Variants in THSD7B observed in about 807,000 individuals in gnomAD.
The protein encoded by THSD7B is thrombospondin type 1 domain containing 7B, also known as thrombospondin type-1 domain-containing protein 7B.
A neutral mutation model predicts 213.6 loss-of-function variants in THSD7B; 138 were observed. The ratio of observed to expected loss-of-function variants is 0.65; its 90% CI spans 0.56 to 0.74. THSD7B has a LOEUF of 0.74. Ranked by LOEUF, THSD7B falls within the 30% of genes least tolerant of loss-of-function variation. The pLI, the probability that THSD7B is intolerant of heterozygous loss-of-function variation, is 0.00. For missense variants in THSD7B, 1,931 were observed against 1,991.5 expected (o/e 0.97, Z 0.58); for synonymous variants, 742 against 687.0 (o/e 1.08, Z -1.25).
At position 136,935,867 on chromosome 2, in the gene THSD7B, A is replaced by C. The variant is rs148433477; in HGVS notation, c.139+53550A>C. Reference sequence around the variant, plus strand: ...CTATTTATTACATTCTATAATAATTATATATTCTATTATATAATTACATAT... The same window carrying C: ...CTATTTATTACATTCTATAATAATTCTATATTCTATTATATAATTACATAT... On this transcript the variant is annotated intron_variant, in intron 2 of 27. Transcript: ENST00000409968. 7.5e-3 allele frequency among the ~76,000 whole-genome samples: 1,107 copies of C among 148,488 alleles called. 7 individuals are homozygous for C. Among genetic ancestry groups the C allele is most frequent in the Non-Finnish European group, 0.011 (750 of 67,298 alleles).
chr2:137,389,193 CATAT>C lies in THSD7B; in HGVS notation c.2501-16399_2501-16396del, dbSNP rs59969102. ...ATCACCAGTCTCACCATATATCTGT[CATAT>C]ATATATATATATATATATATGACAA... On this transcript the variant is annotated intron_variant, in intron 12 of 27. Coordinates refer to ENST00000409968, the MANE Select transcript of THSD7B (RefSeq NM_001316349.2). 4.1e-4 allele frequency among the ~76,000 whole-genome samples: 52 copies of C among 127,290 alleles called. 2 individuals carry two copies. Among genetic ancestry groups the C allele is most frequent in the South Asian group, 2.2e-3 (8 of 3,654 alleles). The allele number at this position is 127,290 out of a possible 152,430, so 83.5% of individuals were successfully genotyped here.
At chr2:136,879,575 T>C (rs1683584169) in intron 1 of THSD7B, among the ~76,000 whole-genome samples, 1 of 152,186 alleles carries the variant, frequency 6.6e-6, no homozygotes, top group African/African-American at 2.4e-5. Flanking sequence ...CATTTGTTTG[T>C]ATCCTCTTTT....
intron 2 of THSD7B, among the ~76,000 whole-genome samples, chr2:136,980,062 C>G (rs1380054251): frequency 1.3e-5 from 2 of 152,078 alleles, no homozygotes; most frequent in Non-Finnish European, 1.5e-5. Context: ...ACTCCATACC[C>G]TATTCACCTG....
intron 2 of THSD7B, among the ~76,000 whole-genome samples, chr2:136,945,938 C>A (rs1055391183): frequency 3.9e-5 from 6 of 152,082 alleles, no homozygotes; most frequent in Non-Finnish European, 5.9e-5. Context: ...TTGTTATTAC[C>A]GACCTTCTAA....
chr2:137,593,185 G>A (rs1224155202), intron 17 of THSD7B, among the ~76,000 whole-genome samples: 2 of 151,802 alleles, frequency 1.3e-5, no homozygotes, highest in Admixed American at 6.6e-5. Flanking sequence ...CAGACATTTG[G>A]TTCATTTCTA....
At chr2:137,240,127 A>C (rs1334737213) in intron 9 of THSD7B, among the ~76,000 whole-genome samples, 1 of 152,142 alleles carries the variant, frequency 6.6e-6, no homozygotes, top group Non-Finnish European at 1.5e-5. Flanking sequence ...GTTCATAATG[A>C]CTTTGTCTCT....
chr2:137,270,721 G>A (rs976311363), intron 10 of THSD7B, among the ~76,000 whole-genome samples: 2 of 152,110 alleles, frequency 1.3e-5, no homozygotes, highest in African/African-American at 4.8e-5. Flanking sequence ...GTCTGATGGA[G>A]GACAGGAGTG....
chr2:137,344,377 ACC>A (rs1423426835), intron 12 of THSD7B, among the ~76,000 whole-genome samples: 1 of 151,678 alleles, frequency 6.6e-6, no homozygotes, highest in Non-Finnish European at 1.5e-5. Context: ...CAAACTTACC[ACC>A]CAATCATGGA....
At chr2:137,627,242 G>A (rs1476414432) in intron 20 of THSD7B, among the ~76,000 whole-genome samples, 2 of 152,176 alleles carry the variant, frequency 1.3e-5, no homozygotes, top group Admixed American at 1.3e-4. Context: ...ATTTATTAAC[G>A]AGGAATCCTC....
At chr2:137,090,493 C>T (rs1687930761) in intron 3 of THSD7B, among the ~76,000 whole-genome samples, 1 of 151,936 alleles carries the variant, frequency 6.6e-6, no homozygotes, top group South Asian at 2.1e-4. Flanking sequence ...GAGCTTCTGC[C>T]CATATTTGTA....
chr2:137,022,691 C>T (rs540825836), intron 2 of THSD7B, among the ~76,000 whole-genome samples: 28 of 151,986 alleles, frequency 1.8e-4, no homozygotes, highest in Middle Eastern at 6.8e-3. Flanking sequence ...GTAGATCACA[C>T]TTTCTGTTGG....
chr2:137,653,617 T>G (rs1330162068), intron 21 of THSD7B, among the ~76,000 whole-genome samples: 1 of 149,954 alleles, frequency 6.7e-6, no homozygotes, highest in Admixed American at 6.7e-5. Flanking sequence ...TTCATTCCCT[T>G]TCATTCTTTT....
chr2:136,965,975 T>C (rs549142205), intron 2 of THSD7B, among the ~76,000 whole-genome samples: 4 of 152,296 alleles, frequency 2.6e-5, no homozygotes, highest in Non-Finnish European at 5.9e-5. Flanking sequence ...TGACCTAATA[T>C]TTTTCCTGAG....
intron 2 of THSD7B, among the ~76,000 whole-genome samples, chr2:136,952,309 T>A (rs1157509803): frequency 6.6e-6 from 1 of 152,234 alleles, no homozygotes; most frequent in African/African-American, 2.4e-5. Flanking sequence ...AAATTGTTAT[T>A]TGTCAATGTA....
intron 17 of THSD7B, among the ~76,000 whole-genome samples, chr2:137,600,900 C>T (rs1354782994): frequency 6.6e-6 from 1 of 152,016 alleles, no homozygotes; most frequent in Non-Finnish European, 1.5e-5. Flanking sequence ...AGGTGGAAGA[C>T]AGCAAAATTG....
chr2:136,908,406 G>A (rs145138601), intron 2 of THSD7B, among the ~76,000 whole-genome samples: 77 of 152,300 alleles, frequency 5.1e-4, no homozygotes, highest in Admixed American at 1.1e-3. Flanking sequence ...ACTAAGTCAC[G>A]TAGTGAAATG....
intron 15 of THSD7B, among the ~76,000 whole-genome samples, chr2:137,560,119 T>G (rs938461146): frequency 1.4e-5 from 2 of 147,366 alleles, no homozygotes; most frequent in African/African-American, 5.3e-5. Context: ...GGTGGGACTG[T>G]AAACTGGTTC....
intron 10 of THSD7B, among the ~76,000 whole-genome samples, chr2:137,251,308 A>G (rs1682170738): frequency 6.6e-6 from 1 of 152,192 alleles, no homozygotes; most frequent in South Asian, 2.1e-4. Context: ...TTTTCCTGGC[A>G]AATGTGGTTA....
chr2:137,324,207 T>C (rs887877925), intron 12 of THSD7B, among the ~76,000 whole-genome samples: 3 of 152,206 alleles, frequency 2.0e-5, no homozygotes, highest in Non-Finnish European at 4.4e-5. Context: ...GTCCTAAATA[T>C]GCTGAAGCAG....
Sources: allele counts gnomAD v4.1 joint callset (sites outside exome capture counted in the v4.1 genomes callset), GRCh38; gene constraint gnomAD v4.1.1; transcripts MANE v1.5; gene names NCBI Gene and HGNC (gene_info 2026-07-23, HGNC 2026-07-21).